The following MID1 variants were observed in gnomAD, a reference collection of about 807,000 sequenced individuals.
The protein encoded by MID1 is E3 ubiquitin-protein ligase Midline-1.
In MID1, 7 loss-of-function variants were observed where a neutral mutation model predicts 40.4. That is an observed-to-expected ratio of 0.17 (90% CI 0.10 to 0.33). The LOEUF (loss-of-function observed/expected upper bound fraction) is 0.33, where lower values mean the gene tolerates loss of function less well. MID1 is among the 10% of genes least tolerant of loss of function. The pLI, the probability that MID1 is intolerant of heterozygous loss-of-function variation, is 1.00. For synonymous variants in MID1, 229 were observed against 221.2 expected, an observed-to-expected ratio of 1.04 and a Z score of -0.31; for missense variants, 367 against 558.5, an observed-to-expected ratio of 0.66 and a Z score of 3.46.
At chrX:10,715,623 G>A (rs748718815) in intron 1 of MID1, among the ~76,000 whole-genome samples, 38 of 111,982 alleles carry the variant, frequency 3.4e-4, no homozygotes, top group Admixed American at 9.4e-4. Flanking sequence ...CTAGGGGCAG[G>A]GCATAGCCAA....
chrX:10,708,309 C>T (rs34845111), intron 1 of MID1, among the ~76,000 whole-genome samples: 17,333 of 111,050 alleles, frequency 0.16, 2,115 homozygotes, highest in African/African-American at 0.42. Flanking sequence ...GACAGGTATA[C>T]ATAATTCATG....
chrX:10,464,280 A>G (rs1446084026), intron 7 of MID1, among the ~76,000 whole-genome samples: 2 of 112,285 alleles, frequency 1.8e-5, no homozygotes, highest in Non-Finnish European at 3.8e-5. Context: ...TTTTTGCATC[A>G]TCTATTCTAT....
At chrX:10,629,173 A>G (rs1347735960) in intron 1 of MID1, among the ~76,000 whole-genome samples, 1 of 110,646 alleles carries the variant, frequency 9.0e-6, no homozygotes, top group African/African-American at 3.3e-5. Context: ...ATTTGCCATT[A>G]CATTTGGAAG....
chrX:10,518,804 A>G (rs1932574219), intron 3 of MID1, among the ~76,000 whole-genome samples: 2 of 112,155 alleles, frequency 1.8e-5, no homozygotes, highest in Non-Finnish European at 3.8e-5. Context: ...AAGGATTTAT[A>G]CAAAAACAAC....
intron 1 of MID1, among the ~76,000 whole-genome samples, chrX:10,640,718 C>CTCA (rs1419605819): frequency 3.7e-4 from 41 of 110,565 alleles, no homozygotes; most frequent in Non-Finnish European, 6.6e-4. Flanking sequence ...ATACATTCTT[C>CTCA]TCAGCACCAC....
chrX:10,811,094 C>T (rs757453918), intron 1 of MID1, among the ~76,000 whole-genome samples: 48 of 111,375 alleles, frequency 4.3e-4, no homozygotes, highest in Non-Finnish European at 2.1e-4. Flanking sequence ...AAAGAGATTT[C>T]TGAGGTCACT....
At chrX:10,750,630 C>T (rs112471468) in intron 1 of MID1, among the ~76,000 whole-genome samples, 11,237 of 107,046 alleles carry the variant, frequency 0.1, 1,461 homozygotes, top group African/African-American at 0.36. Flanking sequence ...GACTCTGTCT[C>T]GAAAAATAAA....
At chrX:10,585,119 C>T (rs947325023) in intron 1 of MID1, among the ~76,000 whole-genome samples, 2 of 111,420 alleles carry the variant, frequency 1.8e-5, no homozygotes, top group Non-Finnish European at 3.8e-5. Flanking sequence ...ATTTTAACTA[C>T]CAGGCTTGGG....
intron 1 of MID1, among the ~76,000 whole-genome samples, chrX:10,791,557 G>A (rs2043931014): frequency 8.9e-6 from 1 of 111,931 alleles, no homozygotes; most frequent in African/African-American, 3.3e-5. Context: ...GGGGCAGTTG[G>A]CACTGGCAGA....
intron 1 of MID1, among the ~76,000 whole-genome samples, chrX:10,696,614 C>T (rs1569149133): frequency 1.8e-5 from 2 of 111,870 alleles, no homozygotes; most frequent in Admixed American, 9.5e-5. Flanking sequence ...CAGACCCATA[C>T]GGATTCACTG....
At chrX:10,623,338 G>GAAGA (rs1569131235), upstream of MID1, among the ~76,000 whole-genome samples, 96 of 106,773 alleles carry the variant, frequency 9.0e-4, 1 homozygote, top group African/African-American at 3.2e-3. Flanking sequence ...AGGAAGGAAG[G>GAAGA]GAAAAAGAAA....
At chrX:10,579,093 A>G (rs1173423034) in intron 1 of MID1, among the ~76,000 whole-genome samples, 1 of 112,125 alleles carries the variant, frequency 8.9e-6, no homozygotes, top group African/African-American at 3.2e-5. Flanking sequence ...CCCCTCAGTC[A>G]TAGCATCCCT....
intron 1 of MID1, among the ~76,000 whole-genome samples, chrX:10,716,660 C>T (rs1327689395): frequency 2.7e-5 from 3 of 111,460 alleles, no homozygotes; most frequent in Admixed American, 1.9e-4. Context: ...TCTAGCAAGG[C>T]AGGCCAACAT....
chrX:10,532,333 A>C (rs1189816602), intron 2 of MID1, among the ~76,000 whole-genome samples: 1 of 111,813 alleles, frequency 8.9e-6, no homozygotes, highest in Non-Finnish European at 1.9e-5. Flanking sequence ...CTCTACAAAA[A>C]CTTTTTTAAA....
chrX:10,750,697 A>G (rs1334019163), intron 1 of MID1, among the ~76,000 whole-genome samples: 2 of 111,248 alleles, frequency 1.8e-5, no homozygotes, highest in African/African-American at 6.5e-5. Flanking sequence ...CAATATCAGG[A>G]TGTGGTTGCT....
chrX:10,510,830 C>CAAAAAAA lies in MID1; in HGVS notation c.756+12255_756+12261dup, dbSNP rs1185825614. 5.6e-3 allele frequency among the ~76,000 whole-genome samples: 133 copies of CAAAAAAA among 23,886 alleles called. 1 individual carries two copies. Among genetic ancestry groups the CAAAAAAA allele is most frequent in the African/African-American group, 0.018 (116 of 6,458 alleles). 20.7% of individuals were successfully genotyped at this position (23,886 alleles called of 115,157 possible). ...CTGGCAACAGAGCAAGACTCTGTCT[C>CAAAAAAA]AAAAAAAAAAAAAAAAAAAAAAAAG... On this transcript the variant is annotated intron_variant, in intron 3 of 9. Transcript: ENST00000317552.
At chrX:10,709,780 T>A (rs1035986087) in intron 1 of MID1, among the ~76,000 whole-genome samples, 1 of 112,069 alleles carries the variant, frequency 8.9e-6, no homozygotes, top group South Asian at 3.7e-4. Context: ...TGACAGGTTA[T>A]AAAAGCCAGT....
At chrX:10,457,879 CTG>C (rs1186976794) in intron 8 of MID1, among the ~76,000 whole-genome samples, 1 of 112,904 alleles carries the variant, frequency 8.9e-6, no homozygotes, top group African/African-American at 3.2e-5. Flanking sequence ...GCATGGAACA[CTG>C]TGTCCTCACA....
At chrX:10,745,306 ATTC>A (rs1310943928) in intron 1 of MID1, among the ~76,000 whole-genome samples, 1 of 112,166 alleles carries the variant, frequency 8.9e-6, no homozygotes. Flanking sequence ...GGATGAAAAA[ATTC>A]TTGGAAGAGC....
Sources: gnomAD v4.1 joint callset for allele counts (sites outside exome capture counted in the v4.1 genomes callset) on GRCh38, gnomAD v4.1.1 for gene constraint, MANE v1.5 for transcripts, NCBI Gene and HGNC (gene_info 2026-07-23, HGNC 2026-07-21) for gene names.